The following CSMD1 variants were observed in gnomAD, a reference collection of about 807,000 sequenced individuals.
CSMD1 encodes the protein CUB and sushi domain-containing protein 1.
CSMD1 carries 213 observed loss-of-function variants against 417.5 expected under a neutral mutation model. The observed-to-expected ratio is 0.51, with a 90% CI of 0.46 to 0.57. The LOEUF (loss-of-function observed/expected upper bound fraction) is 0.57. CSMD1 is among the 20% of genes least tolerant of loss of function. The probability of loss-of-function intolerance (pLI) is 0.00; values close to 1 mark genes in which losing one functional copy is unlikely to be tolerated. For synonymous variants in CSMD1, 2,862 were observed against 1,736.8 expected, an observed-to-expected ratio of 1.65 and a Z score of -16.11; for missense variants, 6,923 against 4,529.7, an observed-to-expected ratio of 1.53 and a Z score of -15.17.
At chr8:4,409,466 G>T (rs1796524558) in intron 3 of CSMD1, among the ~76,000 whole-genome samples, 1 of 152,050 alleles carries the variant, frequency 6.6e-6, no homozygotes. Flanking sequence ...CAGCAAGAAT[G>T]CCTATCTACC....
intron 6 of CSMD1, among the ~76,000 whole-genome samples, chr8:3,710,720 C>A (rs1459215398): frequency 3.3e-5 from 5 of 152,160 alleles, no homozygotes; most frequent in Non-Finnish European, 7.3e-5. Context: ...TTTTTCACTT[C>A]AGGAGGCATC....
At chr8:4,030,573 A>G (rs1179109641) in intron 4 of CSMD1, among the ~76,000 whole-genome samples, 1 of 152,116 alleles carries the variant, frequency 6.6e-6, no homozygotes, top group Non-Finnish European at 1.5e-5. Flanking sequence ...AACTACTTTT[A>G]TTCTCCTAGA....
chr8:3,720,603 G>A (rs1051609264), intron 6 of CSMD1, among the ~76,000 whole-genome samples: 4 of 105,646 alleles, frequency 3.8e-5, no homozygotes, highest in Middle Eastern at 0.013. Flanking sequence ...AGCATTGGTG[G>A]TCAAAGTCTT....
chr8:4,202,698 C>G (rs1199934177), intron 3 of CSMD1, among the ~76,000 whole-genome samples: 2 of 152,124 alleles, frequency 1.3e-5, no homozygotes. Context: ...GAGGGAGAAC[C>G]ACACTAATCA....
At chr8:3,428,280 C>G in intron 12 of CSMD1, among the ~76,000 whole-genome samples, 1 of 152,250 alleles carries the variant, frequency 6.6e-6, no homozygotes, top group East Asian at 1.9e-4. Context: ...AACAAACAAA[C>G]GGCTCTGCAG....
chr8:4,738,402 C>G (rs1004670074), intron 1 of CSMD1, among the ~76,000 whole-genome samples: 1 of 152,092 alleles, frequency 6.6e-6, no homozygotes, highest in East Asian at 1.9e-4. Context: ...CAAATGGTGG[C>G]AGAAGGAGAA....
In CSMD1 at chr8:3,792,198, A is replaced by G. The variant is rs146660679; in HGVS notation, c.819-38156T>C. On this transcript the variant is annotated intron_variant, in intron 5 of 69. Coordinates refer to ENST00000635120, the MANE Select transcript of CSMD1 (RefSeq NM_033225.6). ...AGTCCCAGCTACAGGGGAGGCTGAG[A>G]TGGGAGATCGCTCAAGCCCAGGAGG... Among the ~76,000 whole-genome samples, 1,270 of 151,984 alleles carry G rather than the reference A, an allele frequency of 8.4e-3. 20 individuals carry two copies. Among genetic ancestry groups the G allele is most frequent in the African/African-American group, 0.029 (1,212 of 41,474 alleles).
chr8:3,326,161 C>G (rs934697342), intron 23 of CSMD1, among the ~76,000 whole-genome samples: 1 of 152,182 alleles, frequency 6.6e-6, no homozygotes, highest in African/African-American at 2.4e-5. Context: ...TCGACAACAT[C>G]ATACACTGAC....
At chr8:3,702,557 G>A (rs922402920) in intron 7 of CSMD1, among the ~76,000 whole-genome samples, 127 of 152,340 alleles carry the variant, frequency 8.3e-4, no homozygotes, top group African/African-American at 3.0e-3. Context: ...CTGGCCAGGT[G>A]CGGTGGCTCA....
At chr8:4,828,010 A>G (rs954234234) in intron 1 of CSMD1, among the ~76,000 whole-genome samples, 1 of 152,202 alleles carries the variant, frequency 6.6e-6, no homozygotes, top group Non-Finnish European at 1.5e-5. Flanking sequence ...TGCAAAATGC[A>G]TGTTATATAT....
chr8:3,872,022 T>C (rs1041358667), intron 5 of CSMD1, among the ~76,000 whole-genome samples: 2 of 152,224 alleles, frequency 1.3e-5, no homozygotes, highest in African/African-American at 4.8e-5. Flanking sequence ...AGTATAGTGG[T>C]TAACACATTA....
chr8:3,720,147 T>A (rs915043979), intron 6 of CSMD1, among the ~76,000 whole-genome samples: 2 of 152,186 alleles, frequency 1.3e-5, no homozygotes, highest in African/African-American at 4.8e-5. Context: ...GCTTTTCCCG[T>A]TAAACTTCAC....
intron 3 of CSMD1, among the ~76,000 whole-genome samples, chr8:4,275,618 CAAA>C (rs1384268329): frequency 6.6e-6 from 1 of 152,032 alleles, no homozygotes; most frequent in Non-Finnish European, 1.5e-5. Context: ...CCTCAGCATA[CAAA>C]AATTCATGTG....
chr8:3,280,448 G>C (rs1802645831), intron 26 of CSMD1, among the ~76,000 whole-genome samples: 1 of 152,082 alleles, frequency 6.6e-6, no homozygotes, highest in Non-Finnish European at 1.5e-5. Flanking sequence ...TTTATATCTT[G>C]TTTTTCCTTT....
chr8:3,241,320 G>A (rs1283916057), intron 26 of CSMD1, among the ~76,000 whole-genome samples: 3 of 151,476 alleles, frequency 2.0e-5, no homozygotes, highest in Non-Finnish European at 4.4e-5. Flanking sequence ...CAGTTATGGA[G>A]GCAAGGGAAA....
chr8:4,719,314 A>G (rs934149247), intron 1 of CSMD1, among the ~76,000 whole-genome samples: 2 of 152,202 alleles, frequency 1.3e-5, no homozygotes, highest in Non-Finnish European at 2.9e-5. Context: ...ATAAGAAATA[A>G]GGGTTTTCTA....
chr8:3,671,050 T>A (rs1799000031), intron 7 of CSMD1, among the ~76,000 whole-genome samples: 1 of 139,118 alleles, frequency 7.2e-6, no homozygotes, highest in Non-Finnish European at 1.6e-5. Context: ...TATATATGTA[T>A]ATAGGATATA....
At chr8:3,513,731 T>C (rs1797173807) in intron 10 of CSMD1, among the ~76,000 whole-genome samples, 1 of 152,148 alleles carries the variant, frequency 6.6e-6, no homozygotes, top group Non-Finnish European at 1.5e-5. Flanking sequence ...AGTCTGTGTG[T>C]TAGTTACCAT....
At chr8:4,078,896 AATATATATAT>A (rs1173719388) in intron 3 of CSMD1, among the ~76,000 whole-genome samples, 483 of 43,392 alleles carry the variant, frequency 0.011, 2 homozygotes, top group Non-Finnish European at 0.014. Flanking sequence ...AATAATAATA[AATATATATAT>A]ATATATATAT....
Sources: allele counts gnomAD v4.1 joint callset (sites outside exome capture counted in the v4.1 genomes callset), GRCh38; gene constraint gnomAD v4.1.1; transcripts MANE v1.5; gene names NCBI Gene and HGNC (gene_info 2026-07-23, HGNC 2026-07-21).